The following COL8A1 variants were observed in gnomAD, a reference collection of about 807,000 sequenced individuals.
The protein encoded by COL8A1 is collagen type VIII alpha 1 chain.
In COL8A1, 21 loss-of-function variants were observed where a neutral mutation model predicts 42.7. That is an observed-to-expected ratio of 0.49 (90% CI 0.35 to 0.71). The LOEUF (loss-of-function observed/expected upper bound fraction) is 0.71, where lower values mean the gene tolerates loss of function less well. Ranked by LOEUF, COL8A1 falls within the 30% of genes least tolerant of loss-of-function variation. The pLI, the probability that COL8A1 is intolerant of heterozygous loss-of-function variation, is 0.01. For synonymous variants in COL8A1, 367 were observed against 369.1 expected (o/e 0.99, Z 0.06); for missense variants, 788 against 962.4 (o/e 0.82, Z 2.40).
intron 2 of COL8A1, among the ~76,000 whole-genome samples, chr3:99,761,742 T>C (rs1220838197): frequency 6.6e-6 from 1 of 152,168 alleles, no homozygotes; most frequent in Non-Finnish European, 1.5e-5. Context: ...TCTCTGGCTT[T>C]AGATATCTAG....
intron 2 of COL8A1, among the ~76,000 whole-genome samples, chr3:99,779,857 G>A (rs1299291911): frequency 6.6e-6 from 1 of 152,164 alleles, no homozygotes; most frequent in African/African-American, 2.4e-5. Flanking sequence ...GGTATAAATA[G>A]AATCTTACAA....
intron 2 of COL8A1, among the ~76,000 whole-genome samples, chr3:99,750,049 CTTTTTTTT>C (rs1176042144): frequency 1.1e-3 from 74 of 65,976 alleles, no homozygotes; most frequent in African/African-American, 4.4e-3. Context: ...TTTTTTTCTT[CTTTTTTTT>C]TTTTTTTTTT....
intron 1 of COL8A1, among the ~76,000 whole-genome samples, chr3:99,655,014 T>G (rs375508493): frequency 6.6e-6 from 1 of 152,252 alleles, no homozygotes; most frequent in East Asian, 1.9e-4. Context: ...CTGTGCTAGA[T>G]GCCATGAAGG....
intron 1 of COL8A1, among the ~76,000 whole-genome samples, chr3:99,732,411 C>T (rs766729436): frequency 1.2e-4 from 18 of 152,052 alleles, no homozygotes; most frequent in Non-Finnish European, 2.1e-4. Context: ...AGGAAACTTA[C>T]TACAATCATG....
intron 1 of COL8A1, among the ~76,000 whole-genome samples, chr3:99,642,274 CAT>C (rs1559765619): frequency 6.6e-6 from 1 of 152,122 alleles, no homozygotes; most frequent in Non-Finnish European, 1.5e-5. Context: ...GAAGGTTCTT[CAT>C]AGTTTTTCCT....
At chr3:99,776,755 T>G (rs1311815915) in intron 2 of COL8A1, among the ~76,000 whole-genome samples, 1 of 152,204 alleles carries the variant, frequency 6.6e-6, no homozygotes, top group Non-Finnish European at 1.5e-5. Context: ...CTAAGAATAC[T>G]TATAATTGTT....
rs936342788 is a variant in COL8A1, at chr3:99,797,133, C to T, written c.*997C>T. On this transcript the variant is annotated 3_prime_UTR_variant, in exon 4 of 4. Coordinates refer to ENST00000652472, the MANE Select transcript of COL8A1 (RefSeq NM_020351.4). The stretch of plus-strand genomic sequence containing the variant: ...TTATGCTTATATAGCATTAAAAATT[C>T]TCCTCCTTTGACTACACACACAACC... The T allele has an allele frequency of 6.6e-6, 1 of 152,156 alleles. No individual in the cohort carries two copies. The highest frequency in any genetic ancestry group is 1.5e-5 in the Non-Finnish European group (1 of 68,032). The allele number at this position is 152,156 out of a possible 1,614,324, so 9.4% of individuals were successfully genotyped here.
intron 1 of COL8A1, chr3:99,691,705 A>ATT (rs1559780193): frequency 0.091 from 11,626 of 127,128 alleles, 515 homozygotes; most frequent in South Asian, 0.13. Context: ...TTTTTTTTAA[A>ATT]AAAAAAAAAA....
At chr3:99,666,286 G>A (rs1336162875) in intron 1 of COL8A1, among the ~76,000 whole-genome samples, 1 of 152,192 alleles carries the variant, frequency 6.6e-6, no homozygotes, top group Admixed American at 6.5e-5. Flanking sequence ...AAATGAAACT[G>A]TTTGATAATG....
At chr3:99,699,393 C>T (rs1939468601) in intron 1 of COL8A1, among the ~76,000 whole-genome samples, 1 of 152,230 alleles carries the variant, frequency 6.6e-6, no homozygotes, top group Non-Finnish European at 1.5e-5. Context: ...CAGTGAGGAG[C>T]TTAGAGGGAC....
At chr3:99,787,790 A>G (rs547810237) in intron 2 of COL8A1, among the ~76,000 whole-genome samples, 1 of 152,250 alleles carries the variant, frequency 6.6e-6, no homozygotes, top group East Asian at 1.9e-4. Flanking sequence ...CCCATCACTA[A>G]GCCAGCCTGG....
At chr3:99,676,191 C>G (rs1559775508) in intron 1 of COL8A1, among the ~76,000 whole-genome samples, 1 of 152,050 alleles carries the variant, frequency 6.6e-6, no homozygotes, top group Non-Finnish European at 1.5e-5. Flanking sequence ...TTTTTGTAAA[C>G]CTTCTTACAA....
intron 1 of COL8A1, among the ~76,000 whole-genome samples, chr3:99,664,492 A>T (rs1559771712): frequency 6.7e-6 from 1 of 150,316 alleles, no homozygotes; most frequent in African/African-American, 2.4e-5. Context: ...TAAAAAAAAA[A>T]TAAAATAAAA....
chr3:99,687,959 G>A (rs746604977), intron 1 of COL8A1, among the ~76,000 whole-genome samples: 1 of 152,102 alleles, frequency 6.6e-6, no homozygotes, highest in Non-Finnish European at 1.5e-5. Flanking sequence ...GGCTTATTTA[G>A]GATTCTATCA....
chr3:99,666,413 T>G (rs1055394541), intron 1 of COL8A1, among the ~76,000 whole-genome samples: 4 of 152,194 alleles, frequency 2.6e-5, no homozygotes, highest in African/African-American at 7.2e-5. Flanking sequence ...TGTTGCATAA[T>G]CCTCCTTCTT....
At chr3:99,697,924 G>A (rs778444644) in intron 1 of COL8A1, among the ~76,000 whole-genome samples, 30 of 152,138 alleles carry the variant, frequency 2.0e-4, no homozygotes, top group Non-Finnish European at 2.6e-4. Context: ...CCATCAACTC[G>A]TCATTTACAT....
intron 2 of COL8A1, among the ~76,000 whole-genome samples, chr3:99,768,905 T>A (rs1941522958): frequency 6.6e-6 from 1 of 152,196 alleles, no homozygotes; most frequent in Admixed American, 6.5e-5. Context: ...AATTCTAGGT[T>A]ATTCATGTGT....
chr3:99,773,340 G>A (rs900415060), intron 2 of COL8A1, among the ~76,000 whole-genome samples: 1 of 152,068 alleles, frequency 6.6e-6, no homozygotes, highest in African/African-American at 2.4e-5. Context: ...AGGCTCTTCT[G>A]GGTTTTTAAG....
chr3:99,656,069 TA>T (rs1938012143), intron 1 of COL8A1, among the ~76,000 whole-genome samples: 1 of 152,234 alleles, frequency 6.6e-6, no homozygotes, highest in South Asian at 2.1e-4. Flanking sequence ...TTTATTGACA[TA>T]TTTGGTAGCA....
Sources: allele counts gnomAD v4.1 joint callset (sites outside exome capture counted in the v4.1 genomes callset), GRCh38; gene constraint gnomAD v4.1.1; transcripts MANE v1.5; gene names NCBI Gene and HGNC (gene_info 2026-07-23, HGNC 2026-07-21).